TAFA1: variants seen among roughly 807,000 people sequenced by gnomAD.
The protein encoded by TAFA1 is TAFA chemokine like family member 1, also known as chemokine-like protein TAFA-1.
TAFA1 carries 4 observed loss-of-function variants against 18.5 expected under a neutral mutation model. The ratio of observed to expected loss-of-function variants is 0.22; its 90% confidence interval spans 0.11 to 0.49. The LOEUF (loss-of-function observed/expected upper bound fraction) is 0.49, where lower values mean the gene tolerates loss of function less well. Among genes scored for constraint, TAFA1 ranks in the 20% least tolerant of loss-of-function variants. The pLI, the probability that TAFA1 is intolerant of heterozygous loss-of-function variation, is 0.98. For missense variants in TAFA1, 147 were observed against 169.0 expected (o/e 0.87, Z 0.72); for synonymous variants, 56 against 55.2 (o/e 1.01, Z -0.06).
intron 2 of TAFA1, among the ~76,000 whole-genome samples, chr3:68,399,736 C>G (rs1437856362): frequency 6.6e-6 from 1 of 152,144 alleles, no homozygotes; most frequent in East Asian, 1.9e-4. Context: ...TTTTATTATT[C>G]AGTCCTCATA....
At chr3:68,325,228 G>C (rs1323561227) in intron 2 of TAFA1, among the ~76,000 whole-genome samples, 1 of 152,202 alleles carries the variant, frequency 6.6e-6, no homozygotes, top group African/African-American at 2.4e-5. Flanking sequence ...CAAGGCATCA[G>C]TGTCACCATT....
intron 3 of TAFA1, among the ~76,000 whole-genome samples, chr3:68,491,195 A>C (rs1188722880): frequency 1.3e-5 from 2 of 152,100 alleles, no homozygotes; most frequent in East Asian, 3.9e-4. Context: ...CTGGGTATAT[A>C]CCCAAAGGAT....
intron 2 of TAFA1, among the ~76,000 whole-genome samples, chr3:68,213,208 G>A (rs2066616205): frequency 1.3e-5 from 2 of 151,974 alleles, no homozygotes; most frequent in East Asian, 1.9e-4. Flanking sequence ...GAATTTATTG[G>A]ATGACTACCA....
chr3:68,073,819 T>G, intron 2 of TAFA1, among the ~76,000 whole-genome samples: 1 of 152,018 alleles, frequency 6.6e-6, no homozygotes, highest in East Asian at 1.9e-4. Context: ...TGATGATATG[T>G]ATTTAGTGAG....
chr3:68,266,015 G>A (rs996496468), intron 2 of TAFA1, among the ~76,000 whole-genome samples: 92 of 152,116 alleles, frequency 6.0e-4, no homozygotes, highest in African/African-American at 2.0e-3. Context: ...AGGCTCTATT[G>A]ACATAGTCAG....
intron 2 of TAFA1, among the ~76,000 whole-genome samples, chr3:68,399,547 C>T (rs2070447821): frequency 1.3e-5 from 2 of 152,038 alleles, no homozygotes. Context: ...TTCCCAATTG[C>T]TCTCAGTAAA....
intron 2 of TAFA1, among the ~76,000 whole-genome samples, chr3:68,213,181 T>C: frequency 6.6e-6 from 1 of 152,052 alleles, no homozygotes; most frequent in East Asian, 1.9e-4. Context: ...CAACTCCAGC[T>C]AATGTAAGTG....
chr3:68,123,488 A>C (rs548292011), intron 2 of TAFA1, among the ~76,000 whole-genome samples: 18 of 152,292 alleles, frequency 1.2e-4, no homozygotes, highest in African/African-American at 4.3e-4. Flanking sequence ...TTTCCCTACT[A>C]TATTGCCCAA....
rs542282096 is a variant in TAFA1, at chr3:68,499,216, C to A, written c.260-39540C>A. 2.6e-5 allele frequency among the ~76,000 whole-genome samples: 4 copies of A among 151,222 alleles called. No homozygotes were observed. The South Asian group carries it at 6.3e-4, about 24-fold the overall frequency. Reference sequence around the variant, plus strand: ...GTCAGGGACAAACTAATATGAATAACAAATATCTAGGGTAGAATTTTTCAT... The same window carrying A: ...GTCAGGGACAAACTAATATGAATAAAAAATATCTAGGGTAGAATTTTTCAT... On this transcript the variant is annotated intron_variant, in intron 3 of 4. Coordinates refer to ENST00000478136, the MANE Select transcript of TAFA1 (RefSeq NM_213609.4).
intron 2 of TAFA1, among the ~76,000 whole-genome samples, chr3:68,178,478 T>C (rs2066155073): frequency 6.6e-6 from 1 of 152,162 alleles, no homozygotes; most frequent in African/African-American, 2.4e-5. Flanking sequence ...GGGGTTAAGA[T>C]GGAAATTAAT....
intron 2 of TAFA1, among the ~76,000 whole-genome samples, chr3:68,342,836 A>G (rs1213365959): frequency 5.3e-5 from 8 of 152,194 alleles, no homozygotes; most frequent in Non-Finnish European, 8.8e-5. Flanking sequence ...TTACAATATG[A>G]GCTGCTGCTA....
rs528505743 is a variant in TAFA1 at position 68,411,570 on chromosome 3, C to T, written c.119-5710C>T. ...ATCAAATATTTGTCATTTAATACTA[C>T]CTTTAGATAGCTGATAATCACCTAA... is the stretch of plus-strand genomic sequence containing the variant. On this transcript the variant is annotated intron_variant, in intron 2 of 4. Coordinates refer to ENST00000478136, the MANE Select transcript of TAFA1 (RefSeq NM_213609.4). Among the ~76,000 whole-genome samples, 13 of 150,738 alleles carry T rather than the reference C, an allele frequency of 8.6e-5. 1 individual carries two copies. In the South Asian group the frequency reaches 2.1e-3, roughly 24 times the overall value.
chr3:68,135,932 T>G (rs1575637727), intron 2 of TAFA1, among the ~76,000 whole-genome samples: 1 of 152,206 alleles, frequency 6.6e-6, no homozygotes, highest in South Asian at 2.1e-4. Flanking sequence ...GAAATTTTGC[T>G]GAAGTCTAAT....
chr3:68,162,187 A>G (rs573704054), intron 2 of TAFA1, among the ~76,000 whole-genome samples: 5 of 150,770 alleles, frequency 3.3e-5, no homozygotes, highest in African/African-American at 1.2e-4. Flanking sequence ...AGGTTCCTCA[A>G]CTCTTCTTTG....
At chr3:68,359,695 G>A (rs1383674930) in intron 2 of TAFA1, among the ~76,000 whole-genome samples, 1 of 151,926 alleles carries the variant, frequency 6.6e-6, no homozygotes, top group African/African-American at 2.4e-5. Context: ...CTACAGAGCT[G>A]TAAAATAATA....
intron 3 of TAFA1, among the ~76,000 whole-genome samples, chr3:68,527,076 TA>T: frequency 6.6e-6 from 1 of 152,144 alleles, no homozygotes. Flanking sequence ...AACCATTTAT[TA>T]AAAATTATTT....
At chr3:68,436,086 A>T (rs185819953) in intron 3 of TAFA1, among the ~76,000 whole-genome samples, 204 of 152,284 alleles carry the variant, frequency 1.3e-3, no homozygotes, top group Non-Finnish European at 2.3e-3. Flanking sequence ...CGGGCTGGGG[A>T]ATAAGGTAGA....
intron 2 of TAFA1, among the ~76,000 whole-genome samples, chr3:68,126,590 A>G (rs2065467647): frequency 6.6e-6 from 1 of 152,226 alleles, no homozygotes; most frequent in African/African-American, 2.4e-5. Flanking sequence ...ACAATCATTG[A>G]TCCTGTTATG....
At chr3:68,389,381 C>A (rs553880388) in intron 2 of TAFA1, among the ~76,000 whole-genome samples, 1 of 150,936 alleles carries the variant, frequency 6.6e-6, no homozygotes, top group East Asian at 2.0e-4. Flanking sequence ...AATAACTGTC[C>A]CATTTTTTCT....
Sources: allele counts gnomAD v4.1 joint callset (sites outside exome capture counted in the v4.1 genomes callset), GRCh38; gene constraint gnomAD v4.1.1; transcripts MANE v1.5; gene names NCBI Gene and HGNC (gene_info 2026-07-23, HGNC 2026-07-21).